CDH2: variants seen among roughly 807,000 people sequenced by gnomAD.
CDH2 encodes cadherin 2, also known as cadherin-2.
In CDH2, 17 loss-of-function variants were observed where a neutral mutation model predicts 92.0. The ratio of observed to expected loss-of-function variants is 0.18; its 90% CI spans 0.13 to 0.28. The LOEUF is 0.28. Ranked by LOEUF, CDH2 falls within the 10% of genes least tolerant of loss-of-function variation. CDH2 has a pLI of 1.00. For missense variants in CDH2, 862 were observed against 1,133.1 expected, an observed-to-expected ratio of 0.76 and a Z score of 3.44; for synonymous variants, 419 against 415.9, an observed-to-expected ratio of 1.01 and a Z score of -0.09.
chr18:28,173,514 CTTT>C (rs1162100259), intron 1 of CDH2, among the ~76,000 whole-genome samples: 1 of 152,122 alleles, frequency 6.6e-6, no homozygotes, highest in African/African-American at 2.4e-5. Flanking sequence ...AAAGCTGCTT[CTTT>C]TTATGTATAC....
chr18:28,019,757 A>G (rs181129821), intron 2 of CDH2, among the ~76,000 whole-genome samples: 215 of 152,278 alleles, frequency 1.4e-3, no homozygotes, highest in African/African-American at 5.0e-3. Flanking sequence ...AGTTTTAAAA[A>G]CAGGTGCTAA....
intron 5 of CDH2, among the ~76,000 whole-genome samples, chr18:28,007,735 T>G (rs539025347): frequency 6.6e-6 from 1 of 152,272 alleles, no homozygotes; most frequent in Non-Finnish European, 1.5e-5. Flanking sequence ...TTTGTTTTTT[T>G]TGTGAGATGC....
intron 14 of CDH2, among the ~76,000 whole-genome samples, chr18:27,979,091 G>A (rs1268325927): frequency 6.6e-6 from 1 of 151,686 alleles, no homozygotes; most frequent in African/African-American, 2.4e-5. Context: ...TAGAATGAGA[G>A]AATATATTTA....
At chr18:27,979,640 C>G (rs1167643327) in intron 14 of CDH2, among the ~76,000 whole-genome samples, 1 of 152,164 alleles carries the variant, frequency 6.6e-6, no homozygotes. Context: ...TCAGCAGTGA[C>G]AAAAATGAAC....
At chr18:28,035,886 C>A (rs947717056) in intron 2 of CDH2, among the ~76,000 whole-genome samples, 1 of 151,868 alleles carries the variant, frequency 6.6e-6, no homozygotes, top group East Asian at 1.9e-4. Flanking sequence ...GGAAGACACA[C>A]CTGTATCTAA....
chr18:27,994,953 G>T (rs1037275940), intron 7 of CDH2, among the ~76,000 whole-genome samples: 2 of 152,154 alleles, frequency 1.3e-5, no homozygotes, highest in African/African-American at 4.8e-5. Context: ...CACACACGCA[G>T]TAAGAAATAA....
At chr18:27,996,310 C>A (rs929754550) in intron 7 of CDH2, among the ~76,000 whole-genome samples, 2 of 152,058 alleles carry the variant, frequency 1.3e-5, no homozygotes, top group African/African-American at 4.8e-5. Flanking sequence ...CAACTAAGCA[C>A]TCCTTAGTTG....
At chr18:28,142,261 T>C (rs965560993) in intron 2 of CDH2, among the ~76,000 whole-genome samples, 1 of 151,980 alleles carries the variant, frequency 6.6e-6, no homozygotes, top group Admixed American at 6.6e-5. Flanking sequence ...CTTTAACACA[T>C]ATCTCCTCGT....
intron 2 of CDH2, among the ~76,000 whole-genome samples, chr18:28,143,257 A>C (rs1336326683): frequency 6.6e-6 from 1 of 152,022 alleles, no homozygotes; most frequent in African/African-American, 2.4e-5. Flanking sequence ...TGACATCCAC[A>C]CTAAAAACAG....
intron 7 of CDH2, among the ~76,000 whole-genome samples, chr18:27,994,471 C>T (rs1291401410): frequency 6.6e-6 from 1 of 152,140 alleles, no homozygotes; most frequent in Non-Finnish European, 1.5e-5. Context: ...AGAGAAAATG[C>T]TGAGATTGAG....
intron 2 of CDH2, among the ~76,000 whole-genome samples, chr18:28,068,393 C>G (rs954303743): frequency 1.3e-5 from 2 of 152,010 alleles, no homozygotes; most frequent in African/African-American, 4.8e-5. Context: ...CTTGTCAGTA[C>G]GCACTGCTGA....
intron 2 of CDH2, among the ~76,000 whole-genome samples, chr18:28,043,284 T>C (rs1393259501): frequency 6.6e-6 from 1 of 151,266 alleles, no homozygotes; most frequent in Admixed American, 6.6e-5. Flanking sequence ...ATTAATATAA[T>C]GGACTTTGGG....
chr18:27,985,316 A>T, intron 12 of CDH2, 83 bp from the exon 13 acceptor site: 5 of 863,938 alleles, frequency 5.8e-6, no homozygotes, highest in Non-Finnish European at 9.3e-6. Context: ...GGATGTATTT[A>T]CTACCTAATA....
chr18:28,018,099 T>C (rs112069232), intron 2 of CDH2, among the ~76,000 whole-genome samples: 25,669 of 151,338 alleles, frequency 0.17, 2,437 homozygotes, highest in South Asian at 0.3. Context: ...AGTAGTTCTG[T>C]TATACACCAA....
chr18:28,158,652 C>T (rs974838553), intron 1 of CDH2, among the ~76,000 whole-genome samples: 1 of 152,210 alleles, frequency 6.6e-6, no homozygotes, highest in African/African-American at 2.4e-5. Context: ...GTTCCCACGA[C>T]CCTCTCAGGG....
At chr18:28,171,809 A>C (rs2016468172) in intron 1 of CDH2, among the ~76,000 whole-genome samples, 1 of 152,196 alleles carries the variant, frequency 6.6e-6, no homozygotes, top group South Asian at 2.1e-4. Context: ...TTTATTGTTG[A>C]GGAAAATGAG....
intron 6 of CDH2, among the ~76,000 whole-genome samples, chr18:27,936,833 C>T (rs28365263): frequency 2.0e-5 from 3 of 152,072 alleles, no homozygotes; most frequent in East Asian, 1.9e-4. Flanking sequence ...GCCACTGTGC[C>T]GCCCCTCTCC....
intron 2 of CDH2, among the ~76,000 whole-genome samples, chr18:28,034,727 C>T (rs1266121248): frequency 4.0e-5 from 6 of 151,778 alleles, no homozygotes; most frequent in South Asian, 4.1e-4. Flanking sequence ...TTTTGAAACA[C>T]GAAACACAAC....
rs17446225 is a variant in CDH2, at chr18:28,066,265, A to T, written c.173-52356T>A. On this transcript the variant is annotated intron_variant, in intron 2 of 15. Transcript: ENST00000269141. ...CACTTACTAAATATAAAATAATTGT[A>T]CCTTCAAAATTAATTACATATAAAC... Among the ~76,000 whole-genome samples, 1,174 of 152,326 alleles carry T rather than the reference A, an allele frequency of 7.7e-3. 7 individuals carry two copies. The highest frequency in any genetic ancestry group is 0.012 in the Non-Finnish European group (796 of 68,022).
Sources: gnomAD v4.1 joint callset for allele counts (sites outside exome capture counted in the v4.1 genomes callset) on GRCh38, gnomAD v4.1.1 for gene constraint, MANE v1.5 for transcripts, NCBI Gene and HGNC (gene_info 2026-07-23, HGNC 2026-07-21) for gene names.